The following NBEA variants were observed in gnomAD, a reference collection of about 807,000 sequenced individuals.
The protein encoded by NBEA is lysosomal-trafficking regulator 2.
In NBEA, 44 loss-of-function variants were observed where a neutral mutation model predicts 343.4. The observed-to-expected ratio is 0.13, with a 90% CI of 0.10 to 0.16. NBEA has a LOEUF of 0.16. Ranked by LOEUF, NBEA falls within the 10% of genes least tolerant of loss-of-function variation. The pLI, the probability that NBEA is intolerant of heterozygous loss-of-function variation, is 1.00. For missense variants in NBEA, 2,555 were observed against 3,631.3 expected, an observed-to-expected ratio of 0.70 and a Z score of 7.62; for synonymous variants, 1,175 against 1,238.7, an observed-to-expected ratio of 0.95 and a Z score of 1.08.
At chr13:34,949,862 C>T (rs1374864101) in intron 1 of NBEA, among the ~76,000 whole-genome samples, 1 of 151,778 alleles carries the variant, frequency 6.6e-6, no homozygotes, top group East Asian at 1.9e-4. Context: ...TCTTTTTTCA[C>T]CCTCTGGTAA....
chr13:35,657,598 T>C (rs1443150086), intron 55 of NBEA, among the ~76,000 whole-genome samples: 2 of 152,228 alleles, frequency 1.3e-5, no homozygotes, highest in African/African-American at 4.8e-5. Flanking sequence ...TTCTCAAGAA[T>C]GGTACATTAT....
chr13:35,234,204 G>C (rs2075114761), intron 34 of NBEA, among the ~76,000 whole-genome samples: 1 of 152,060 alleles, frequency 6.6e-6, no homozygotes, highest in Non-Finnish European at 1.5e-5. Flanking sequence ...AAGTAGGGCT[G>C]TCACCCTGGA....
At chr13:35,446,021 G>C (rs1418197555) in intron 39 of NBEA, among the ~76,000 whole-genome samples, 6 of 149,802 alleles carry the variant, frequency 4.0e-5, no homozygotes, top group African/African-American at 1.5e-4. Flanking sequence ...CTGTGTCCAA[G>C]TGTTCTCATT....
rs144417302 is a variant in NBEA at position 34,942,526 on chromosome 13, GGCGGCA to G, written c.-276_-271del. The G allele has an allele frequency of 7.8e-5, 16 of 205,414 alleles. No individual in the cohort carries two copies. Among genetic ancestry groups the G allele is most frequent in the Admixed American group, 1.2e-4 (2 of 16,532 alleles). 12.7% of individuals were successfully genotyped at this position (205,414 alleles called of 1,614,324 possible). ...AGAGGGAGAGAGCAGAGGCAGCGGC[GGCGGCA>G]GCGGCAGCGGCAGCGGCACACCTGC... On this transcript the variant is annotated 5_prime_UTR_variant, in exon 1 of 59. Transcript: ENST00000379939.
At chr13:35,577,968 C>T (rs879894027) in intron 45 of NBEA, among the ~76,000 whole-genome samples, 10 of 152,090 alleles carry the variant, frequency 6.6e-5, no homozygotes, top group African/African-American at 1.2e-4. Flanking sequence ...ACAGAATTTT[C>T]AGAATGATGA....
At chr13:35,534,115 T>C (rs892040192) in intron 41 of NBEA, among the ~76,000 whole-genome samples, 1 of 152,192 alleles carries the variant, frequency 6.6e-6, no homozygotes, top group African/African-American at 2.4e-5. Flanking sequence ...AACAGAGTGA[T>C]TGCCGTATCT....
At chr13:35,023,486 T>A (rs931492864) in intron 1 of NBEA, among the ~76,000 whole-genome samples, 5 of 152,166 alleles carry the variant, frequency 3.3e-5, no homozygotes, top group African/African-American at 1.2e-4. Context: ...CTATAGTAGA[T>A]CCTATAAAAG....
At chr13:35,562,498 G>C (rs941408612) in intron 44 of NBEA, among the ~76,000 whole-genome samples, 27 of 152,096 alleles carry the variant, frequency 1.8e-4, no homozygotes, top group African/African-American at 6.5e-4. Flanking sequence ...AGGATTTTGA[G>C]TTGTTTTTCA....
At chr13:35,345,442 A>G (rs2039818015) in intron 36 of NBEA, among the ~76,000 whole-genome samples, 1 of 152,084 alleles carries the variant, frequency 6.6e-6, no homozygotes, top group African/African-American at 2.4e-5. Context: ...ATATTTACAT[A>G]TACTATTATT....
intron 40 of NBEA, among the ~76,000 whole-genome samples, chr13:35,464,406 C>T (rs568485115): frequency 6.6e-6 from 1 of 152,314 alleles, no homozygotes; most frequent in African/African-American, 2.4e-5. Flanking sequence ...AAGACCACAA[C>T]TTGTCCAAAT....
chr13:35,091,243 C>G (rs1442038083), intron 10 of NBEA, among the ~76,000 whole-genome samples: 1 of 151,902 alleles, frequency 6.6e-6, no homozygotes, highest in Non-Finnish European at 1.5e-5. Flanking sequence ...TATGAACAGA[C>G]TTGTAGAATA....
intron 20 of NBEA, 48 bp downstream of exon 20, chr13:35,156,254 T>A: frequency 6.9e-7 from 1 of 1,453,562 alleles, no homozygotes; most frequent in Non-Finnish European, 9.1e-7. Context: ...TAATTAATAT[T>A]TTCTCTCTTT....
intron 49 of NBEA, among the ~76,000 whole-genome samples, chr13:35,641,556 A>G (rs901713092): frequency 6.6e-6 from 1 of 152,238 alleles, no homozygotes; most frequent in African/African-American, 2.4e-5. Flanking sequence ...AAGTTGATCA[A>G]AAAAGGCAGA....
intron 1 of NBEA, among the ~76,000 whole-genome samples, chr13:35,015,063 C>G (rs1202488244): frequency 6.8e-6 from 1 of 147,744 alleles, no homozygotes; most frequent in East Asian, 2.1e-4. Flanking sequence ...GCCCCACTCT[C>G]CAGTGCTTCA....
At chr13:35,020,147 T>A (rs1255324925) in intron 1 of NBEA, among the ~76,000 whole-genome samples, 1 of 152,140 alleles carries the variant, frequency 6.6e-6, no homozygotes, top group Non-Finnish European at 1.5e-5. Context: ...CTTTTAATGT[T>A]ATACATTTCT....
intron 8 of NBEA, among the ~76,000 whole-genome samples, chr13:35,059,989 T>A (rs1362939621): frequency 2.0e-5 from 3 of 151,800 alleles, no homozygotes; most frequent in Non-Finnish European, 2.9e-5. Flanking sequence ...CTTTCATGGG[T>A]CTTTTTGTTG....
intron 16 of NBEA, among the ~76,000 whole-genome samples, chr13:35,120,186 A>T (rs2066718725): frequency 6.6e-6 from 1 of 152,168 alleles, no homozygotes; most frequent in Admixed American, 6.5e-5. Context: ...TATTATTTTG[A>T]CACATCGGAA....
chr13:34,962,850 C>T (rs1287828493), intron 1 of NBEA, among the ~76,000 whole-genome samples: 3 of 152,048 alleles, frequency 2.0e-5, no homozygotes, highest in African/African-American at 4.8e-5. Context: ...ACAAGTCTCT[C>T]TTCCGGTATT....
intron 38 of NBEA, among the ~76,000 whole-genome samples, chr13:35,404,431 G>T (rs368234913): frequency 1.1e-4 from 17 of 151,104 alleles, no homozygotes; most frequent in Admixed American, 3.3e-4. Context: ...CCATAAAAAA[G>T]GATGAGTTCA....
Sources: allele counts gnomAD v4.1 joint callset (sites outside exome capture counted in the v4.1 genomes callset), GRCh38; gene constraint gnomAD v4.1.1; transcripts MANE v1.5; gene names NCBI Gene and HGNC (gene_info 2026-07-23, HGNC 2026-07-21).